MAPRE2: variants seen among roughly 807,000 people sequenced by gnomAD.
The protein encoded by MAPRE2 is microtubule-associated protein RP/EB family member 2.
In MAPRE2, 13 loss-of-function variants were observed where a neutral mutation model predicts 43.2. That is an observed-to-expected ratio of 0.30 (90% CI 0.20 to 0.48). MAPRE2 has a LOEUF of 0.48. MAPRE2 is among the 20% of genes least tolerant of loss of function. The pLI is 0.99. For synonymous variants in MAPRE2, 135 were observed against 148.8 expected (o/e 0.91, Z 0.68); for missense variants, 161 against 400.2 (o/e 0.40, Z 5.10).
chr18:35,059,932 A>G (rs966314726), intron 1 of MAPRE2, among the ~76,000 whole-genome samples: 3 of 152,178 alleles, frequency 2.0e-5, no homozygotes, highest in Non-Finnish European at 4.4e-5. Flanking sequence ...CAAGAGTACA[A>G]GAGAGCTCAG....
intron 2 of MAPRE2, among the ~76,000 whole-genome samples, chr18:35,012,189 A>G (rs976973420): frequency 6.6e-6 from 1 of 152,178 alleles, no homozygotes; most frequent in African/African-American, 2.4e-5. Flanking sequence ...AGTATTGCCC[A>G]TGTTGTGCTT....
At chr18:34,994,016 T>G (rs2097025168) in intron 1 of MAPRE2, among the ~76,000 whole-genome samples, 1 of 140,686 alleles carries the variant, frequency 7.1e-6, no homozygotes, top group Non-Finnish European at 1.5e-5. Flanking sequence ...TTTTTTTTAC[T>G]GAAACCACTA....
At chr18:35,016,405 A>T (rs1202426949) in intron 2 of MAPRE2, among the ~76,000 whole-genome samples, 2 of 152,074 alleles carry the variant, frequency 1.3e-5, no homozygotes, top group Non-Finnish European at 2.9e-5. Context: ...CAGTGGCTGA[A>T]CTAATTTACA....
chr18:35,034,213 T>G (rs1427687768), intron 2 of MAPRE2, among the ~76,000 whole-genome samples: 7 of 151,810 alleles, frequency 4.6e-5, no homozygotes, highest in African/African-American at 7.3e-5. Context: ...ACGCCACATA[T>G]CTACAACTAT....
At chr18:35,110,376 G>A (rs966919044) in intron 4 of MAPRE2, among the ~76,000 whole-genome samples, 43 of 152,068 alleles carry the variant, frequency 2.8e-4, no homozygotes, top group Non-Finnish European at 5.0e-4. Flanking sequence ...TATATGTTTT[G>A]CGTATGTTAA....
intron 1 of MAPRE2, among the ~76,000 whole-genome samples, chr18:35,004,753 T>A (rs2097030973): frequency 6.6e-6 from 1 of 151,962 alleles, no homozygotes; most frequent in Admixed American, 6.6e-5. Flanking sequence ...CCGTCTCTAC[T>A]AAAAATACAG....
intron 2 of MAPRE2, among the ~76,000 whole-genome samples, chr18:35,017,262 T>TG (rs1379575072): frequency 9.3e-6 from 1 of 107,734 alleles, no homozygotes; most frequent in African/African-American, 3.2e-5. Flanking sequence ...TTTTTTTTTT[T>TG]GCATAGGATT....
In MAPRE2 at chr18:34,998,574, G is replaced by A. The variant is rs1405366872; in HGVS notation, c.-69-6918G>A. Among the ~76,000 whole-genome samples the A allele has an allele frequency of 7.3e-5, 11 of 151,612 alleles. No individual in the cohort carries two copies. In the East Asian group the frequency reaches 1.2e-3, roughly 16 times the overall value. On this transcript the variant is annotated intron_variant, in intron 1 of 7. Transcript: ENST00000413393. ...GATCTCCTGACCTCGTGATCTGCCC[G>A]CCTCGGCCTCCCAAAGTGCTGGGAT...
intron 2 of MAPRE2, among the ~76,000 whole-genome samples, chr18:35,080,883 C>T (rs1194038062): frequency 6.6e-6 from 1 of 152,056 alleles, no homozygotes; most frequent in Non-Finnish European, 1.5e-5. Context: ...TGTTTGTCCC[C>T]TCCCTCCCAA....
intron 2 of MAPRE2, among the ~76,000 whole-genome samples, chr18:35,017,989 G>T (rs1048332465): frequency 6.6e-6 from 1 of 150,518 alleles, no homozygotes; most frequent in African/African-American, 2.4e-5. Context: ...TTATTATGAG[G>T]TATGTTCCTT....
At chr18:35,137,925 A>G (rs750899795) in intron 6 of MAPRE2, among the ~76,000 whole-genome samples, 1 of 152,184 alleles carries the variant, frequency 6.6e-6, no homozygotes, top group Non-Finnish European at 1.5e-5. Flanking sequence ...CCAGCCCACC[A>G]TTCTTGTTAA....
intron 6 of MAPRE2, among the ~76,000 whole-genome samples, chr18:35,135,338 A>G (rs79414321): frequency 6.6e-6 from 1 of 152,126 alleles, no homozygotes; most frequent in East Asian, 1.9e-4. Flanking sequence ...TATCCTGTGC[A>G]TGCATGACTC....
chr18:35,023,340 G>A lies in MAPRE2; in HGVS notation c.-8+17787G>A, dbSNP rs909548235. On this transcript the variant is annotated intron_variant, in intron 2 of 7. Coordinates refer to the MAPRE2 transcript ENST00000413393. The stretch of plus-strand genomic sequence containing the variant: ...ATCCTGGTGAACACTGTGAAACCCC[G>A]TCTCTACTAAAAATACAAAAATTTA... 1.6e-4 allele frequency among the ~76,000 whole-genome samples: 24 copies of A among 151,778 alleles called. 1 individual carries two copies. The highest frequency in any genetic ancestry group is 1.5e-3 in the South Asian group (7 of 4,810).
intron 2 of MAPRE2, among the ~76,000 whole-genome samples, chr18:35,029,507 C>G (rs1167184586): frequency 2.0e-5 from 3 of 152,204 alleles, no homozygotes; most frequent in Admixed American, 2.0e-4. Flanking sequence ...ACCATTGCCC[C>G]ACTTTCTCCT....
intron 2 of MAPRE2, among the ~76,000 whole-genome samples, chr18:35,011,258 G>T (rs565018415): frequency 6.6e-6 from 1 of 152,196 alleles, no homozygotes; most frequent in Non-Finnish European, 1.5e-5. Flanking sequence ...AAGTTTCGAG[G>T]CGTCTAATCT....
At chr18:35,124,895 T>C (rs1401849009) in intron 4 of MAPRE2, among the ~76,000 whole-genome samples, 1 of 152,080 alleles carries the variant, frequency 6.6e-6, no homozygotes, top group East Asian at 1.9e-4. Context: ...CAGCGGGACA[T>C]GGAAGTAGTG....
At chr18:34,989,408 G>C (rs2097022617) in intron 1 of MAPRE2, among the ~76,000 whole-genome samples, 1 of 152,016 alleles carries the variant, frequency 6.6e-6, no homozygotes. Flanking sequence ...CAGGTTCTTG[G>C]TATGCAAAAT....
chr18:34,995,835 G>A (rs1342279683), intron 1 of MAPRE2, among the ~76,000 whole-genome samples: 1 of 152,172 alleles, frequency 6.6e-6, no homozygotes, highest in Non-Finnish European at 1.5e-5. Context: ...GCAGATTCTA[G>A]AAAGAGCCTG....
intron 4 of MAPRE2, among the ~76,000 whole-genome samples, chr18:35,120,035 G>T (rs1373076848): frequency 6.6e-6 from 1 of 152,184 alleles, no homozygotes; most frequent in Non-Finnish European, 1.5e-5. Context: ...ACTCTGAGAA[G>T]TTGGTGCTGC....
Sources: allele counts gnomAD v4.1 joint callset (sites outside exome capture counted in the v4.1 genomes callset), GRCh38; gene constraint gnomAD v4.1.1; transcripts MANE v1.5; gene names NCBI Gene and HGNC (gene_info 2026-07-23, HGNC 2026-07-21).